ZNF230: variants seen among roughly 807,000 people sequenced by gnomAD.
The protein encoded by ZNF230 is zinc finger protein FDZF2.
Under a neutral mutation model 10.0 loss-of-function variants are expected in ZNF230, and 12 were observed. The observed-to-expected ratio is 1.20, with a 90% CI of 0.77 to 1.95. ZNF230 has a LOEUF of 1.95. ZNF230 is among the 30% of genes most tolerant of loss of function. The probability of loss-of-function intolerance (pLI) is 0.00; values close to 1 mark genes in which losing one functional copy is unlikely to be tolerated. For missense variants in ZNF230, 532 were observed against 565.8 expected (o/e 0.94, Z 0.61); for synonymous variants, 174 against 193.6 (o/e 0.90, Z 0.84).
Position 44,007,011 on chromosome 19 carries a change from G to A in ZNF230, c.-68G>A, listed in dbSNP as rs1976129764. 1 of 1,405,508 alleles carries A rather than the reference G, an allele frequency of 7.1e-7. No individual in the cohort carries two copies. The highest frequency in any genetic ancestry group is 1.0e-6 in the Non-Finnish European group (1 of 1,003,236). The allele number at this position is 1,405,508 out of a possible 1,614,324, so 87.1% of individuals were successfully genotyped here. A position where few individuals can be genotyped will look rare whatever the true frequency, so the allele number is the denominator to read the frequency against. ...TTTTGCTGTCTCTGGCATTTTCCAG[G>A]CACAATTCCACCTTCCTTTGTGCTC... is the stretch of plus-strand genomic sequence containing the variant. On this transcript the variant is annotated splice_region_variant and 5_prime_UTR_variant, in exon 2 of 5. Transcript: ENST00000429154.
Position 44,010,874 on chromosome 19 carries a change from C to T in ZNF230, c.835C>T (p.Pro279Ser). The T allele has an allele frequency of 2.5e-6, 4 of 1,614,152 alleles. No homozygotes were observed. Among genetic ancestry groups the T allele is most frequent in the Non-Finnish European group, 3.4e-6 (4 of 1,180,026 alleles). ...TCAGATAATTCATACTGGGGAGAAG[C>T]CGTTCAAATGTGAAATATGTGGTAA... ...KHQIIHTGEK[P>S]FKCEICGKSF... The change falls in exon 5 of 5, where the codon CCG (proline) becomes TCG (serine). Residue 279 changes from proline to serine, a missense_variant. Transcript: ENST00000429154.
At chr19:44,006,826 C>A in intron 1 of ZNF230, 185 bp from the exon 2 acceptor site, 1 of 356,362 alleles carries the variant, frequency 2.8e-6, no homozygotes, top group Middle Eastern at 7.5e-4. Context: ...AATTAGATTC[C>A]ATTATATGGA....
intron 4 of ZNF230, 123 bp from the exon 5 acceptor site, chr19:44,010,145 AT>A: frequency 1.1e-6 from 1 of 936,710 alleles, no homozygotes; most frequent in Non-Finnish European, 1.6e-6. Flanking sequence ...AGAAAACAAG[AT>A]TCATGGGGAA....
chr19:44,008,383 G>A (rs1439173271), intron 2 of ZNF230, among the ~76,000 whole-genome samples: 1 of 152,156 alleles, frequency 6.6e-6, no homozygotes, highest in Admixed American at 6.5e-5. Context: ...TGTTAGTTTG[G>A]CAAATACTAA....
chr19:44,009,717 A>G (rs1045551198), intron 4 of ZNF230, among the ~76,000 whole-genome samples: 18 of 152,128 alleles, frequency 1.2e-4, no homozygotes, highest in Non-Finnish European at 2.2e-4. Context: ...CCTAAATCAT[A>G]TTGTTTCACT....
chr19:44,012,539 C>A lies in ZNF230; in HGVS notation c.*1075C>A. On this transcript the variant is annotated 3_prime_UTR_variant, in exon 5 of 5. Transcript: ENST00000429154. ...GCAGTAGGGTTGCAAACAGAACTTA[C>A]GCTTGTCATTCAGGAGACAGGCCTT... The A allele has an allele frequency of 1.4e-5, 7 of 505,728 alleles. No individual in the cohort carries two copies. Among genetic ancestry groups the A allele is most frequent in the Middle Eastern group, 3.3e-4 (1 of 3,064 alleles). 31.3% of individuals were successfully genotyped at this position (505,728 alleles called of 1,614,324 possible). A position where few individuals can be genotyped will look rare whatever the true frequency, so the allele number is the denominator to read the frequency against.
chr19:44,011,459 A>G lies in ZNF230; in HGVS notation c.1420A>G (p.Met474Val). 2 of 1,584,648 alleles carry G rather than the reference A, an allele frequency of 1.3e-6. No individual in the cohort carries two copies. The highest frequency in any genetic ancestry group is 2.3e-5 in the South Asian group (2 of 85,912). ...AATTTTATCATTATTTTTAAATGAT[A>G]TGTAAGTTGTACATATATATGGGAT... ...DIILSLFLND[M>V] Residue 474 changes from methionine (M) to valine (V), a missense_variant, in exon 5 of 5, where the codon ATG becomes GTG. Met to Val is a conservative substitution (Grantham distance 21). Coordinates refer to ENST00000429154, the MANE Select transcript of ZNF230 (RefSeq NM_006300.4).
At chr19:44,009,469 C>T (rs560283307) in intron 4 of ZNF230, 3 of 507,062 alleles carry the variant, frequency 5.9e-6, no homozygotes, top group South Asian at 6.5e-5. Flanking sequence ...TTTAGAGACC[C>T]TGAGGTTTGT....
rs911217884 is a variant in ZNF230, at chr19:44,013,631, C to T, written c.*2167C>T. The stretch of plus-strand genomic sequence containing the variant: ...CAGACATACAGTAAAAGGAGAAAAA[C>T]ATAATGTGAGCTTTGTGAAATCTGA... On this transcript the variant is annotated 3_prime_UTR_variant, in exon 5 of 5. Transcript: ENST00000429154. 2.3e-4 allele frequency: 35 copies of T among 152,248 alleles called. No individual in the cohort carries two copies. Among genetic ancestry groups the T allele is most frequent in the African/African-American group, 8.4e-4 (35 of 41,546 alleles). The allele number at this position is 152,248 out of a possible 1,614,324, so 9.4% of individuals were successfully genotyped here.
intron 1 of ZNF230, chr19:44,004,014 T>C (rs1207985542): frequency 6.6e-6 from 1 of 152,314 alleles, no homozygotes; most frequent in Admixed American, 6.5e-5. Context: ...AGAGCCTGAG[T>C]TGATCACCTC....
chr19:44,006,452 G>A (rs1376055696), intron 1 of ZNF230, among the ~76,000 whole-genome samples: 1 of 152,126 alleles, frequency 6.6e-6, no homozygotes, highest in African/African-American at 2.4e-5. Context: ...ATGACATGTG[G>A]ATTAGCAATT....
intron 1 of ZNF230, among the ~76,000 whole-genome samples, chr19:44,005,545 A>T (rs1599851552): frequency 6.6e-6 from 1 of 152,358 alleles, no homozygotes; most frequent in South Asian, 2.1e-4. Flanking sequence ...ATTACCTAAC[A>T]TCCTGTTATC....
At chr19:44,009,520 G>A (rs966843167) in intron 4 of ZNF230, among the ~76,000 whole-genome samples, 4 of 151,950 alleles carry the variant, frequency 2.6e-5, no homozygotes, top group South Asian at 2.1e-4. Context: ...CTGTCCTCTC[G>A]CCCTTGCATC....
Position 44,011,543 on chromosome 19 carries a change from T to C in ZNF230, c.*79T>C. 1 of 1,325,784 alleles carries C rather than the reference T, an allele frequency of 7.5e-7. No homozygotes were observed. Among genetic ancestry groups the C allele is most frequent in the Non-Finnish European group, 1.0e-6 (1 of 973,262 alleles). 82.1% of individuals were successfully genotyped at this position (1,325,784 alleles called of 1,614,324 possible). On this transcript the variant is annotated 3_prime_UTR_variant, in exon 5 of 5. Coordinates refer to ENST00000429154, the MANE Select transcript of ZNF230 (RefSeq NM_006300.4). ...GTAATGATCAAATTGATGTAATTAG[T>C]GTATTACCTTAAACAATTAACATTT...
chr19:44,011,255 A>G lies in ZNF230; in HGVS notation c.1216A>G (p.Ser406Gly), dbSNP rs781645463. The change falls in exon 5 of 5, where the codon AGT becomes GGT. Residue 406 changes from serine (S) to glycine (G), a missense_variant. Ser to Gly is a moderately conservative substitution (Grantham distance 56). Transcript: ENST00000429154. ...TGGGAAGAGCTTTAGCCGGGCTTCA[A>G]GTATTTTGAATCATAAGAAACTCCA... is the stretch of plus-strand genomic sequence containing the variant. ...ECGKSFSRAS[S>G]ILNHKKLHCR... 5.6e-6 allele frequency: 9 copies of G among 1,614,144 alleles called. No homozygotes were observed. The highest frequency in any genetic ancestry group is 1.1e-5 in the South Asian group (1 of 91,082).
Position 44,012,566 on chromosome 19 carries a change from G to GAC in ZNF230, c.*1103_*1104insCA. ...CTTGTCATTCAGGAGACAGGCCTTA[G>GAC]AATAAGAGTTTGTTCACACATTTAC... On this transcript the variant is annotated 3_prime_UTR_variant, in exon 5 of 5. Transcript: ENST00000429154. The GAC allele has an allele frequency of 2.1e-6, 1 of 477,872 alleles. No individual in the cohort carries two copies. 29.6% of individuals were successfully genotyped at this position (477,872 alleles called of 1,614,324 possible). A position where few individuals can be genotyped will look rare whatever the true frequency, so the allele number is the denominator to read the frequency against.
Position 44,011,622 on chromosome 19 carries a change from A to C in ZNF230, c.*158A>C. 1 of 810,766 alleles carries C rather than the reference A, an allele frequency of 1.2e-6. No individual in the cohort carries two copies. Among genetic ancestry groups the C allele is most frequent in the Non-Finnish European group, 1.9e-6 (1 of 540,334 alleles). The allele number at this position is 810,766 out of a possible 1,614,324, so 50.2% of individuals were successfully genotyped here. On this transcript the variant is annotated 3_prime_UTR_variant, in exon 5 of 5. Transcript: ENST00000429154. Reference sequence around the variant, plus strand: ...TGTTCTAGCGATTTGAAAAGAAACAATAAATTATTGTTGATTATAGTCACC... The same window carrying C: ...TGTTCTAGCGATTTGAAAAGAAACACTAAATTATTGTTGATTATAGTCACC...
chr19:44,008,747 T>C (rs1976144462), intron 2 of ZNF230, 43 bp from the exon 3 acceptor site: 2 of 1,605,060 alleles, frequency 1.2e-6, no homozygotes, highest in East Asian at 2.2e-5. Context: ...CCCCCAGTAG[T>C]CCATGGTCAT....
At position 44,008,848 on chromosome 19, in the gene ZNF230, T is replaced by C; in HGVS notation, c.74T>C (p.Leu25Pro). 2 of 1,614,162 alleles carry C rather than the reference T, an allele frequency of 1.2e-6. No individual in the cohort carries two copies. Among genetic ancestry groups the C allele is most frequent in the Non-Finnish European group, 1.7e-6 (2 of 1,180,012 alleles). The change falls in exon 3 of 5, where the codon CTG (leucine) becomes CCG (proline). Residue 25 changes from leucine to proline, a missense_variant. Transcript: ENST00000429154. ...VFFTEEELGL[L>P]DPAQRKLYQD... ...TTCACTGAGGAGGAACTGGGGCTAC[T>C]GGACCCTGCCCAGAGGAAGCTGTAC...
Sources: allele counts gnomAD v4.1 joint callset (sites outside exome capture counted in the v4.1 genomes callset), GRCh38; gene constraint gnomAD v4.1.1; transcripts MANE v1.5; gene names NCBI Gene and HGNC (gene_info 2026-07-23, HGNC 2026-07-21).